The following IL1RAPL2 variants were observed in gnomAD, a reference collection of about 807,000 sequenced individuals.
The protein encoded by IL1RAPL2 is X-linked interleukin-1 receptor accessory protein-like 2.
In IL1RAPL2, 3 loss-of-function variants were observed where a neutral mutation model predicts 44.1. That is an observed-to-expected ratio of 0.07 (90% CI 0.03 to 0.18). The LOEUF (loss-of-function observed/expected upper bound fraction) is 0.18. IL1RAPL2 is among the 10% of genes least tolerant of loss of function. IL1RAPL2 has a pLI of 1.00. For missense variants in IL1RAPL2, 391 were observed against 496.4 expected (o/e 0.79, Z 2.02); for synonymous variants, 181 against 178.8 (o/e 1.01, Z -0.10).
At chrX:104,945,439 T>C (rs1283937874) in intron 2 of IL1RAPL2, among the ~76,000 whole-genome samples, 1 of 111,150 alleles carries the variant, frequency 9.0e-6, no homozygotes, top group African/African-American at 3.3e-5. Context: ...TAAGATAGAA[T>C]AATATATACT....
chrX:104,582,822 C>CTTTCTTTCTTTCTTTCTT (rs748809592), intron 1 of IL1RAPL2, among the ~76,000 whole-genome samples: 4 of 40,662 alleles, frequency 9.8e-5, no homozygotes, highest in Non-Finnish European at 1.7e-4. Flanking sequence ...TCCTTTCTTT[C>CTTTCTTTCTTTCTTTCTT]TCTTTCTTTC....
At position 104,932,413 on chromosome X, in the gene IL1RAPL2, TAC is replaced by T. The variant is rs755020312; in HGVS notation, c.83-263048_83-263047del. ...AATTTTACAGGTAAAAAATCACACATACACACACACACACATGATGAAAGATC... is the reference window on the plus strand; with the variant it reads ...AATTTTACAGGTAAAAAATCACACATACACACACACACATGATGAAAGATC... On this transcript the variant is annotated intron_variant, in intron 2 of 10. Coordinates refer to ENST00000372582, the MANE Select transcript of IL1RAPL2 (RefSeq NM_017416.2). Among the ~76,000 whole-genome samples the T allele has an allele frequency of 4.5e-5, 5 of 110,371 alleles. No individual in the cohort carries two copies. In the East Asian group the frequency reaches 8.5e-4, roughly 19 times the overall value.
intron 9 of IL1RAPL2, chrX:105,753,088 A>G (rs1294780101): frequency 6.3e-6 from 2 of 315,532 alleles, no homozygotes; most frequent in Non-Finnish European, 1.2e-5. Context: ...TTCTAGGGGT[A>G]AGTCTTTGTA....
chrX:104,893,592 A>C (rs1040998655), intron 2 of IL1RAPL2, among the ~76,000 whole-genome samples: 25 of 111,288 alleles, frequency 2.2e-4, no homozygotes, highest in Non-Finnish European at 3.8e-4. Context: ...CTGTTTTATC[A>C]GAGACTAGGA....
At chrX:105,723,813 TG>T (rs1447981854) in intron 7 of IL1RAPL2, among the ~76,000 whole-genome samples, 1 of 110,894 alleles carries the variant, frequency 9.0e-6, no homozygotes, top group East Asian at 2.9e-4. Context: ...CATTCATGAG[TG>T]GGGAGCCTTC....
Position 105,740,560 on chromosome X carries a change from A to G in IL1RAPL2, c.917A>G (p.His306Arg), listed in dbSNP as rs1185333983. The G allele has an allele frequency of 8.3e-7, 1 of 1,209,300 alleles. No homozygotes were observed. Among genetic ancestry groups the G allele is most frequent in the Non-Finnish European group, 1.1e-6 (1 of 893,823 alleles). The change falls in exon 8 of 11, where the codon CAT (histidine) becomes CGT (arginine). Residue 306 changes from histidine (H) to arginine (R), a missense_variant. Physicochemically the swap from His to Arg is conservative, Grantham distance 29. Coordinates refer to ENST00000372582, the MANE Select transcript of IL1RAPL2 (RefSeq NM_017416.2). ...REGEIRLLKE[H>R]LGEKEVELAL... is the part of the protein sequence containing the mutation. Reference sequence around the variant, plus strand: ...CTTTATTTCAGGCTTCTCAAAGAGCATCTTGGAGAAAAAGAAGTTGAATTG... The same window carrying G: ...CTTTATTTCAGGCTTCTCAAAGAGCGTCTTGGAGAAAAAGAAGTTGAATTG...
intron 4 of IL1RAPL2, among the ~76,000 whole-genome samples, chrX:105,239,469 C>A (rs1307468577): frequency 8.1e-5 from 9 of 111,357 alleles, no homozygotes; most frequent in African/African-American, 3.0e-4. Context: ...AGTGAACCAA[C>A]ATTCTGTTTC....
chrX:105,493,834 A>G (rs1602437087), intron 6 of IL1RAPL2, among the ~76,000 whole-genome samples: 1 of 112,014 alleles, frequency 8.9e-6, no homozygotes, highest in Admixed American at 9.5e-5. Context: ...ATTCAGTGAG[A>G]AAATAGAAAT....
chrX:105,243,541 A>ATG (rs1556210727), intron 4 of IL1RAPL2, among the ~76,000 whole-genome samples: 1 of 76,377 alleles, frequency 1.3e-5, no homozygotes, highest in South Asian at 5.9e-4. Context: ...TCATATATAT[A>ATG]TGTGTGTATA....
In IL1RAPL2 at chrX:105,293,616, T is replaced by C. The variant is rs567378843; in HGVS notation, c.697+26075T>C. On this transcript the variant is annotated intron_variant, in intron 5 of 10. Coordinates refer to ENST00000372582, the MANE Select transcript of IL1RAPL2 (RefSeq NM_017416.2). ...GTTTATTTGGTTTATCTTATTATGA[T>C]TGGTGTTAAGCATGTTTTCATATAA... Among the ~76,000 whole-genome samples the C allele has an allele frequency of 7.1e-5, 8 of 112,361 alleles. No individual in the cohort carries two copies. In the South Asian group the frequency reaches 2.6e-3, roughly 36 times the overall value.
At chrX:104,894,531 TC>T (rs747941929) in intron 2 of IL1RAPL2, among the ~76,000 whole-genome samples, 17 of 111,975 alleles carry the variant, frequency 1.5e-4, no homozygotes, top group Non-Finnish European at 2.8e-4. Flanking sequence ...TTCATTTCAT[TC>T]ATTTGATCTT....
At chrX:105,188,870 T>G (rs2033611776) in intron 2 of IL1RAPL2, among the ~76,000 whole-genome samples, 1 of 112,132 alleles carries the variant, frequency 8.9e-6, no homozygotes, top group Non-Finnish European at 1.9e-5. Context: ...TGACAGAACT[T>G]TATTTTAAAA....
At chrX:105,156,424 C>T (rs1157092472) in intron 2 of IL1RAPL2, among the ~76,000 whole-genome samples, 3 of 111,866 alleles carry the variant, frequency 2.7e-5, no homozygotes, top group African/African-American at 6.5e-5. Context: ...AGTCTGATCA[C>T]GATCACGTAT....
At chrX:105,301,113 C>G (rs990786156) in intron 5 of IL1RAPL2, among the ~76,000 whole-genome samples, 1 of 111,752 alleles carries the variant, frequency 8.9e-6, no homozygotes, top group African/African-American at 3.3e-5. Flanking sequence ...TAATTTTTCT[C>G]TCTTCAGTGC....
At chrX:104,684,900 G>T (rs1386823653) in intron 2 of IL1RAPL2, among the ~76,000 whole-genome samples, 1 of 112,127 alleles carries the variant, frequency 8.9e-6, no homozygotes, top group Non-Finnish European at 1.9e-5. Flanking sequence ...TGGAGTTATG[G>T]ATTATCAGTT....
At chrX:104,829,866 C>A (rs1485481624) in intron 2 of IL1RAPL2, among the ~76,000 whole-genome samples, 1 of 111,792 alleles carries the variant, frequency 8.9e-6, no homozygotes, top group African/African-American at 3.3e-5. Flanking sequence ...CTGTACATAG[C>A]GTTCTGTTAA....
At chrX:105,675,263 G>A in intron 6 of IL1RAPL2, among the ~76,000 whole-genome samples, 1 of 111,161 alleles carries the variant, frequency 9.0e-6, no homozygotes, top group Non-Finnish European at 1.9e-5. Context: ...ATGTTTCCAG[G>A]TTTTGCCCAT....
chrX:105,645,902 A>G (rs1220408995), intron 6 of IL1RAPL2, among the ~76,000 whole-genome samples: 1 of 111,698 alleles, frequency 9.0e-6, no homozygotes, highest in African/African-American at 3.3e-5. Context: ...CAGTTGTGCT[A>G]CTATCTCCAG....
chrX:105,479,238 C>T (rs1441409498), intron 5 of IL1RAPL2, among the ~76,000 whole-genome samples: 2 of 111,227 alleles, frequency 1.8e-5, no homozygotes, highest in African/African-American at 6.5e-5. Flanking sequence ...TGACTTTGGG[C>T]AAGTTATTTG....
Sources: allele counts gnomAD v4.1 joint callset (sites outside exome capture counted in the v4.1 genomes callset), GRCh38; gene constraint gnomAD v4.1.1; transcripts MANE v1.5; gene names NCBI Gene and HGNC (gene_info 2026-07-23, HGNC 2026-07-21).